MEGF10: variants seen among roughly 807,000 people sequenced by gnomAD.
The protein encoded by MEGF10 is multiple epidermal growth factor-like domains protein 10.
A neutral mutation model predicts 147.5 loss-of-function variants in MEGF10; 86 were observed. The observed-to-expected ratio is 0.58, with a 90% CI of 0.49 to 0.70. MEGF10 has a LOEUF of 0.70. Among genes scored for constraint, MEGF10 ranks in the 30% least tolerant of loss-of-function variants. The pLI, the probability that MEGF10 is intolerant of heterozygous loss-of-function variation, is 0.00. For missense variants in MEGF10, 1,329 were observed against 1,487.3 expected (o/e 0.89, Z 1.75); for synonymous variants, 478 against 525.5 (o/e 0.91, Z 1.24).
chr5:127,402,809 C>G, intron 8 of MEGF10, 127 bp downstream of exon 8: 5 of 913,460 alleles, frequency 5.5e-6, no homozygotes, highest in Non-Finnish European at 8.0e-6. Flanking sequence ...AGTAGCTATA[C>G]AGCCTCAATG....
intron 2 of MEGF10, among the ~76,000 whole-genome samples, chr5:127,332,697 G>T (rs1286805967): frequency 2.0e-5 from 3 of 152,152 alleles, no homozygotes; most frequent in Non-Finnish European, 4.4e-5. Flanking sequence ...ACATTATACA[G>T]AATTTAAGCA....
At chr5:127,317,758 C>T (rs1760621363) in intron 1 of MEGF10, among the ~76,000 whole-genome samples, 1 of 152,070 alleles carries the variant, frequency 6.6e-6, no homozygotes, top group Non-Finnish European at 1.5e-5. Context: ...CATGTGTCCC[C>T]TGTCATGGGG....
intron 1 of MEGF10, among the ~76,000 whole-genome samples, chr5:127,311,809 G>C (rs1367042323): frequency 2.0e-5 from 3 of 152,186 alleles, no homozygotes; most frequent in Admixed American, 1.3e-4. Flanking sequence ...CTGGCAGTAA[G>C]TTTCTCTAAT....
At chr5:127,340,938 G>A (rs1761656057) in intron 4 of MEGF10, among the ~76,000 whole-genome samples, 1 of 152,050 alleles carries the variant, frequency 6.6e-6, no homozygotes, top group Admixed American at 6.6e-5. Context: ...AATTGGTCAG[G>A]ACTCATTGGA....
In MEGF10 at chr5:127,402,651, T is replaced by C; in HGVS notation, c.886T>C (p.Cys296Arg). 4 of 1,614,074 alleles carry C rather than the reference T, an allele frequency of 2.5e-6. No homozygotes were observed. Among genetic ancestry groups the C allele is most frequent in the Non-Finnish European group, 3.4e-6 (4 of 1,179,976 alleles). The part of the protein sequence containing the change: ...GGTCDAATGQ[C>R]HCSPGYTGER... ...GACGTGTGATGCTGCCACAGGCCAATGTCATTGCAGTCCAGGATACACAGG... is the reference window on the plus strand; with the variant it reads ...GACGTGTGATGCTGCCACAGGCCAACGTCATTGCAGTCCAGGATACACAGG... The change falls in exon 8 of 25, where the codon TGT (cysteine) becomes CGT (arginine). Residue 296 changes from cysteine (C) to arginine (R), a missense_variant. Cys to Arg is a radical substitution (Grantham distance 180). This residue lies in a region of MEGF10 where 980 missense variants were observed against 1,085.9 expected (regional missense o/e 0.90). Coordinates refer to ENST00000503335, the MANE Select transcript of MEGF10 (RefSeq NM_001256545.2).
intron 20 of MEGF10, 64 bp from the exon 21 acceptor site, chr5:127,447,492 AT>A: frequency 1.2e-6 from 2 of 1,604,148 alleles, no homozygotes; most frequent in Admixed American, 3.3e-5. Context: ...TGTTATTTTG[AT>A]TCCCTTTTTT....
chr5:127,335,087 GAGA>G (rs1249263310), intron 2 of MEGF10, among the ~76,000 whole-genome samples: 5 of 152,144 alleles, frequency 3.3e-5, no homozygotes, highest in African/African-American at 1.2e-4. Context: ...CAGTATGTTT[GAGA>G]AGATTAAACA....
chr5:127,242,818 C>T, the MEGF10 span, among the ~76,000 whole-genome samples: 3 of 152,026 alleles, frequency 2.0e-5, no homozygotes, highest in African/African-American at 7.2e-5. Context: ...TCCGTTGCCC[C>T]CAGATTCCTG....
intron 13 of MEGF10, chr5:127,424,408 A>G (rs1765140220): frequency 1.1e-6 from 1 of 907,990 alleles, no homozygotes; most frequent in African/African-American, 1.6e-5. Flanking sequence ...AATTTCCACA[A>G]AGAAGCAAGG....
At chr5:127,450,483 C>T (rs894451959) in intron 22 of MEGF10, among the ~76,000 whole-genome samples, 2 of 152,142 alleles carry the variant, frequency 1.3e-5, no homozygotes, top group African/African-American at 4.8e-5. Context: ...GCCTGTAACC[C>T]ATATTTTCAG....
At chr5:127,409,555 C>T (rs967556121) in intron 8 of MEGF10, 3 of 152,264 alleles carry the variant, frequency 2.0e-5, no homozygotes, top group Non-Finnish European at 1.5e-5. Flanking sequence ...CCTCTAGCAA[C>T]TCAGCTCCCA....
At chr5:127,354,250 T>A (rs1762195909) in intron 4 of MEGF10, among the ~76,000 whole-genome samples, 1 of 152,188 alleles carries the variant, frequency 6.6e-6, no homozygotes. Flanking sequence ...AGGCGAGGGC[T>A]TAAAAAACAC....
intron 6 of MEGF10, 47 bp from the exon 7 acceptor site, chr5:127,398,629 T>C (rs778454875): frequency 3.7e-6 from 6 of 1,611,662 alleles, no homozygotes; most frequent in Middle Eastern, 1.7e-4. Context: ...CCGAGGGTCA[T>C]GTGTCTGGGA....
At chr5:127,433,304 C>T in intron 13 of MEGF10, 59 bp from the exon 14 acceptor site, 1 of 1,605,694 alleles carries the variant, frequency 6.2e-7, no homozygotes, top group African/African-American at 1.3e-5. Flanking sequence ...TATGAATTAG[C>T]ATCTGCGGAA....
intron 18 of MEGF10, among the ~76,000 whole-genome samples, chr5:127,441,948 G>C (rs1162714274): frequency 2.6e-5 from 4 of 152,212 alleles, no homozygotes; most frequent in Admixed American, 2.0e-4. Context: ...GCTCACAACA[G>C]AGACAGCCCA....
At chr5:127,267,883 T>C in the MEGF10 span, among the ~76,000 whole-genome samples, 4 of 152,196 alleles carry the variant, frequency 2.6e-5, no homozygotes, top group Middle Eastern at 3.2e-3. Context: ...CCTGGATTCA[T>C]TGATTTTTTG....
At position 127,381,526 on chromosome 5, in the gene MEGF10, C is replaced by T. The variant is rs138556971; in HGVS notation, c.412+11524C>T. Among the ~76,000 whole-genome samples, 1,421 of 152,274 alleles carry T rather than the reference C, an allele frequency of 9.3e-3. 27 individuals are homozygous for T. The highest frequency in any genetic ancestry group is 0.011 in the Non-Finnish European group (751 of 68,020). ...ATGGTGCTGTAGACCTGCTTGTTTC[C>T]CTCTCCTACTGTCTTGGGCTACTGC... On this transcript the variant is annotated intron_variant, in intron 5 of 24. Transcript: ENST00000503335.
rs1293173557 is a variant in MEGF10, at chr5:127,331,481, G to A, written c.116+57G>A. The A allele has an allele frequency of 3.3e-6, 3 of 895,694 alleles. No homozygotes were observed. The African/African-American group carries it at 5.1e-5, about 15-fold the overall frequency. 55.5% of individuals were successfully genotyped at this position (895,694 alleles called of 1,614,324 possible). A position where few individuals can be genotyped will look rare whatever the true frequency, so the allele number is the denominator to read the frequency against. ...TTGCTGAGAAGTTCCCTTATATACT[G>A]TAATTATCAGTCAGATGTATAAAAT... On this transcript the variant is annotated intron_variant, in intron 2 of 24. Coordinates refer to ENST00000503335, the MANE Select transcript of MEGF10 (RefSeq NM_001256545.2).
In MEGF10 at chr5:127,435,416, CA is replaced by C. The variant is rs772344909; in HGVS notation, c.2033del (p.Asn678ThrfsTer71). On this transcript the variant is annotated frameshift_variant, in exon 16 of 25. Transcript: ENST00000503335. LOFTEE classifies it high-confidence loss of function. ...NCAGICTCTN[N>X]GTCNPIDRSC... ...GTGCAGGAATTTGTACCTGCACCAA[CA>C]ACGGAACCTGTAACCCCATTGACAG... 2 of 1,614,152 alleles carry C rather than the reference CA, an allele frequency of 1.2e-6. No individual in the cohort carries two copies. Among genetic ancestry groups the C allele is most frequent in the Non-Finnish European group, 1.7e-6 (2 of 1,180,018 alleles).
Sources: gnomAD v4.1 joint callset for allele counts (sites outside exome capture counted in the v4.1 genomes callset) on GRCh38, gnomAD v4.1.1 for gene constraint, gnomAD v4.1.1 regional missense constraint, MANE v1.5 for transcripts, NCBI Gene and HGNC (gene_info 2026-07-23, HGNC 2026-07-21) for gene names.